The following SLC16A10 variants were observed in gnomAD, a reference collection of about 807,000 sequenced individuals.
SLC16A10 encodes the protein monocarboxylate transporter 10.
In SLC16A10, 27 loss-of-function variants were observed where a neutral mutation model predicts 40.0. That is an observed-to-expected ratio of 0.67 (90% CI 0.50 to 0.93). The LOEUF (loss-of-function observed/expected upper bound fraction) is 0.93, where lower values mean the gene tolerates loss of function less well. Among genes scored for constraint, SLC16A10 ranks in the 40% least tolerant of loss-of-function variants. The pLI is 0.00. For missense variants in SLC16A10, 529 were observed against 658.2 expected (o/e 0.80, Z 2.15); for synonymous variants, 213 against 249.8 (o/e 0.85, Z 1.39).
chr6:111,171,749 G>A (rs914587849), intron 1 of SLC16A10, among the ~76,000 whole-genome samples: 1 of 147,852 alleles, frequency 6.8e-6, no homozygotes. Flanking sequence ...CTGGGCTGTC[G>A]AGATCACAGT....
At chr6:111,095,707 A>G (rs1379080583) in intron 1 of SLC16A10, among the ~76,000 whole-genome samples, 3 of 152,176 alleles carry the variant, frequency 2.0e-5, no homozygotes, top group African/African-American at 7.2e-5. Flanking sequence ...GTGATAGTTA[A>G]TAAGTCTCAT....
intron 1 of SLC16A10, among the ~76,000 whole-genome samples, chr6:111,158,934 A>T (rs1473971612): frequency 1.3e-5 from 2 of 151,770 alleles, no homozygotes; most frequent in Non-Finnish European, 2.9e-5. Context: ...AAAATTAGCC[A>T]GGTGTGGTGG....
At chr6:111,169,698 C>T (rs531144364) in intron 1 of SLC16A10, among the ~76,000 whole-genome samples, 10 of 152,244 alleles carry the variant, frequency 6.6e-5, no homozygotes, top group African/African-American at 2.2e-4. Context: ...ATCAAATGGG[C>T]CTGTTGAAGT....
chr6:111,228,152 G>A lies in SLC16A10; in HGVS notation c.*5917G>A, dbSNP rs1185544849. 1.3e-5 allele frequency: 2 copies of A among 152,128 alleles called. No individual in the cohort carries two copies. The highest frequency in any genetic ancestry group is 2.1e-4 in the South Asian group (1 of 4,820). The allele number at this position is 152,128 out of a possible 1,614,324, so 9.4% of individuals were successfully genotyped here. ...TTCTAATGAACACTTAGAATGCTTC[G>A]CCAGTGGCTTTTCAAGTTACACTGG... On this transcript the variant is annotated 3_prime_UTR_variant, in exon 6 of 6. Coordinates refer to ENST00000368851, the MANE Select transcript of SLC16A10 (RefSeq NM_018593.5).
intron 1 of SLC16A10, among the ~76,000 whole-genome samples, chr6:111,157,418 G>A (rs1475410281): frequency 5.3e-5 from 8 of 151,926 alleles, no homozygotes; most frequent in Non-Finnish European, 1.0e-4. Context: ...TGAGTAGCTG[G>A]GACTACAGGC....
intron 3 of SLC16A10, among the ~76,000 whole-genome samples, chr6:111,187,407 C>G (rs892810702): frequency 1.3e-5 from 2 of 151,988 alleles, no homozygotes; most frequent in African/African-American, 4.8e-5. Flanking sequence ...TACTTAAGTG[C>G]CTGCCAAAAA....
At chr6:111,206,070 T>C (rs533370251) in intron 3 of SLC16A10, among the ~76,000 whole-genome samples, 24 of 152,224 alleles carry the variant, frequency 1.6e-4, no homozygotes, top group African/African-American at 5.5e-4. Flanking sequence ...ATAAAAACTC[T>C]TATAAACATG....
chr6:111,184,939 G>A (rs2114557428), intron 3 of SLC16A10, among the ~76,000 whole-genome samples: 1 of 152,240 alleles, frequency 6.6e-6, no homozygotes, highest in South Asian at 2.1e-4. Context: ...GCTAGGCAGA[G>A]CACCTCCATT....
At chr6:111,112,035 T>C (rs1480388612) in intron 1 of SLC16A10, among the ~76,000 whole-genome samples, 7 of 152,114 alleles carry the variant, frequency 4.6e-5, no homozygotes, top group African/African-American at 1.4e-4. Context: ...GATATAGATA[T>C]AAAATTTTTT....
chr6:111,108,125 T>C (rs1771317632), intron 1 of SLC16A10, among the ~76,000 whole-genome samples: 1 of 151,428 alleles, frequency 6.6e-6, no homozygotes, highest in East Asian at 2.0e-4. Flanking sequence ...GTTCAAGCAA[T>C]TCTCCTGCCT....
chr6:111,110,453 G>T (rs1432420919), intron 1 of SLC16A10, among the ~76,000 whole-genome samples: 1 of 152,058 alleles, frequency 6.6e-6, no homozygotes, highest in Non-Finnish European at 1.5e-5. Context: ...ATGGGGTAAG[G>T]TTCATGAGCA....
intron 1 of SLC16A10, 24 bp from the exon 2 acceptor site, chr6:111,172,671 C>G (rs777139949): frequency 6.2e-7 from 1 of 1,606,704 alleles, no homozygotes; most frequent in Non-Finnish European, 8.5e-7. Context: ...CATAATTCCC[C>G]CCACGCTTTC....
chr6:111,191,713 T>C (rs552614193), intron 3 of SLC16A10, among the ~76,000 whole-genome samples: 6 of 152,394 alleles, frequency 3.9e-5, no homozygotes, highest in African/African-American at 1.4e-4. Flanking sequence ...ATTGCCATTC[T>C]AACTGGCGTG....
chr6:111,159,610 G>T (rs906635020), intron 1 of SLC16A10, among the ~76,000 whole-genome samples: 1 of 152,192 alleles, frequency 6.6e-6, no homozygotes, highest in East Asian at 1.9e-4. Context: ...ATAAGTTTTT[G>T]TATAGGCATA....
Position 111,167,427 on chromosome 6 carries a change from G to A in SLC16A10, c.344-5268G>A, listed in dbSNP as rs550129470. Among the ~76,000 whole-genome samples, 32 of 152,276 alleles carry A rather than the reference G, an allele frequency of 2.1e-4. 1 individual carries two copies. The highest frequency in any genetic ancestry group is 7.7e-4 in the African/African-American group (32 of 41,556). On this transcript the variant is annotated intron_variant, in intron 1 of 5. Transcript: ENST00000368851. ...AGAAGTAAGTTGTAAAAGTGGCCAA[G>A]TGGGTATGCTTTCAACATGCCCTCC...
chr6:111,220,035 CGT>C (rs1562437739), intron 5 of SLC16A10, among the ~76,000 whole-genome samples: 2 of 152,146 alleles, frequency 1.3e-5, no homozygotes, highest in African/African-American at 4.8e-5. Context: ...GCTGCAGAGC[CGT>C]GATAGCACCA....
chr6:111,123,566 C>G (rs960176620), intron 1 of SLC16A10, among the ~76,000 whole-genome samples: 4 of 152,200 alleles, frequency 2.6e-5, no homozygotes, highest in Non-Finnish European at 5.9e-5. Flanking sequence ...CTAAGACTTG[C>G]TGCTGCCTCA....
chr6:111,099,185 A>G (rs542440253), intron 1 of SLC16A10, among the ~76,000 whole-genome samples: 2 of 152,268 alleles, frequency 1.3e-5, no homozygotes, highest in Non-Finnish European at 2.9e-5. Context: ...GTTCTTGTTC[A>G]TTTTTTGCAG....
At chr6:111,105,055 TC>T (rs1771259479) in intron 1 of SLC16A10, among the ~76,000 whole-genome samples, 1 of 152,186 alleles carries the variant, frequency 6.6e-6, no homozygotes, top group Admixed American at 6.5e-5. Context: ...GTCATTTTTT[TC>T]CTTCAATTTG....
Sources: allele counts gnomAD v4.1 joint callset (sites outside exome capture counted in the v4.1 genomes callset), GRCh38; gene constraint gnomAD v4.1.1; transcripts MANE v1.5; gene names NCBI Gene and HGNC (gene_info 2026-07-23, HGNC 2026-07-21).